Variants in ASRGL1 observed in about 807,000 individuals in gnomAD.
The protein encoded by ASRGL1 is asparaginase and isoaspartyl peptidase 1.
Under a neutral mutation model 22.4 loss-of-function variants are expected in ASRGL1, and 16 were observed. The observed-to-expected ratio is 0.71, with a 90% CI of 0.48 to 1.08. The LOEUF is 1.08. Among genes scored for constraint, ASRGL1 ranks in the 50% least tolerant of loss-of-function variants. The pLI, the probability that ASRGL1 is intolerant of heterozygous loss-of-function variation, is 0.00. For missense variants in ASRGL1, 412 were observed against 410.1 expected (o/e 1.00, Z -0.04); for synonymous variants, 165 against 159.3 (o/e 1.04, Z -0.27).
intron 2 of ASRGL1, among the ~76,000 whole-genome samples, chr11:62,356,031 A>C (rs917467161): frequency 3.3e-5 from 5 of 152,224 alleles, no homozygotes; most frequent in African/African-American, 1.2e-4. Flanking sequence ...CCTTCTACAC[A>C]GACACGGCAA....
At chr11:62,357,465 T>A (rs1373266197) in intron 4 of ASRGL1, among the ~76,000 whole-genome samples, 1 of 149,088 alleles carries the variant, frequency 6.7e-6, no homozygotes, top group East Asian at 2.0e-4. Context: ...TTTCGCCGTG[T>A]TGGCCAGGCT....
At chr11:62,354,036 C>T (rs1002220103) in intron 2 of ASRGL1, among the ~76,000 whole-genome samples, 2 of 152,218 alleles carry the variant, frequency 1.3e-5, no homozygotes, top group African/African-American at 4.8e-5. Context: ...GGCATGTAAT[C>T]AGGGCAGCAA....
chr11:62,383,460 G>T (rs988628747), intron 4 of ASRGL1, among the ~76,000 whole-genome samples: 1 of 150,928 alleles, frequency 6.6e-6, no homozygotes, highest in Non-Finnish European at 1.5e-5. Flanking sequence ...AAAATTAGCC[G>T]GGCGTAGTGG....
chr11:62,342,241 C>CT (rs1481763744), intron 2 of ASRGL1, among the ~76,000 whole-genome samples: 5 of 152,208 alleles, frequency 3.3e-5, no homozygotes, highest in African/African-American at 1.2e-4. Flanking sequence ...TAGGTAAAAA[C>CT]ACCTTTAAAT....
rs895897836 is a variant in ASRGL1, at chr11:62,356,888, G to A, written c.334-99G>A. On this transcript the variant is annotated intron_variant, in intron 3 of 6. Transcript: ENST00000415229. ...CTGGAATTTGTATTTTTGATCCTTT[G>A]CACCCAGAGAGAAGTAATTATTTCA... 4 of 1,357,978 alleles carry A rather than the reference G, an allele frequency of 2.9e-6. No individual in the cohort carries two copies. The Admixed American group carries it at 8.1e-5, about 27-fold the overall frequency. The allele number at this position is 1,357,978 out of a possible 1,614,324, so 84.1% of individuals were successfully genotyped here. A position where few individuals can be genotyped will look rare whatever the true frequency, so the allele number is the denominator to read the frequency against.
At chr11:62,372,210 G>C in intron 4 of ASRGL1, 1 of 1,214,622 alleles carries the variant, frequency 8.2e-7, no homozygotes, top group South Asian at 1.2e-5. Flanking sequence ...GAGGGTCTCA[G>C]CCACGAAGTG....
chr11:62,356,893 C>A, intron 3 of ASRGL1, 94 bp from the exon 4 acceptor site: 2 of 1,388,234 alleles, frequency 1.4e-6, no homozygotes, highest in East Asian at 2.4e-5. Context: ...CCTTTGCACC[C>A]AGAGAGAAGT....
chr11:62,363,020 GC>G (rs1217750435), intron 4 of ASRGL1, among the ~76,000 whole-genome samples: 2 of 130,258 alleles, frequency 1.5e-5, no homozygotes, highest in East Asian at 4.8e-4. Flanking sequence ...CAGGGTTCAC[GC>G]CATTCTCCTG....
intron 3 of ASRGL1, 124 bp from the exon 4 acceptor site, chr11:62,356,863 C>G (rs1946309574): frequency 1.6e-6 from 2 of 1,238,368 alleles, no homozygotes; most frequent in Admixed American, 3.1e-5. Flanking sequence ...AAGCAAACCA[C>G]TGGAATTTGT....
chr11:62,371,343 G>T (rs1047314031), intron 4 of ASRGL1: 7 of 1,086,990 alleles, frequency 6.4e-6, no homozygotes, highest in Non-Finnish European at 8.8e-6. Context: ...GCAAGCGCGC[G>T]GCGCAGCCTG....
At chr11:62,395,581 G>C (rs1947422540), downstream of ASRGL1, among the ~76,000 whole-genome samples, 1 of 151,962 alleles carries the variant, frequency 6.6e-6, no homozygotes, top group Non-Finnish European at 1.5e-5. Context: ...GAGACCAAAG[G>C]AAGGAGTGGG....
intron 4 of ASRGL1, among the ~76,000 whole-genome samples, chr11:62,379,978 CT>C (rs1565171724): frequency 6.6e-6 from 1 of 151,976 alleles, no homozygotes; most frequent in Non-Finnish European, 1.5e-5. Flanking sequence ...GGCTCTTTAT[CT>C]GTTGTTGTTG....
chr11:62,373,272 A>G (rs557249638), intron 4 of ASRGL1: 1 of 704,016 alleles, frequency 1.4e-6, no homozygotes, highest in Admixed American at 2.3e-5. Context: ...TAAAAAAGCA[A>G]AAGTGGACCG....
At position 62,392,144 on chromosome 11, in the gene ASRGL1, G is replaced by C. The variant is rs1439433832; in HGVS notation, c.787G>C (p.Gly263Arg). ...GYMKSRVKGL[G>R]GLIVVSKTGD... is the part of the protein sequence containing the mutation. ...TATGAAGTCAAGGGTTAAAGGTTTA[G>C]GTGGCCTCATCGTGGTTAGCAAAAC... Residue 263 changes from glycine (G) to arginine (R), a missense_variant, in exon 7 of 7, where the codon GGT (glycine) becomes CGT (arginine). Physicochemically the swap from Gly to Arg is moderately radical, Grantham distance 125 (BLOSUM62 -2). Coordinates refer to ENST00000415229, the MANE Select transcript of ASRGL1 (RefSeq NM_001083926.2). 9 of 1,614,128 alleles carry C rather than the reference G, an allele frequency of 5.6e-6. No homozygotes were observed. The highest frequency in any genetic ancestry group is 8.5e-7 in the Non-Finnish European group (1 of 1,180,060).
chr11:62,369,835 G>A (rs1946716194), intron 4 of ASRGL1, among the ~76,000 whole-genome samples: 1 of 152,236 alleles, frequency 6.6e-6, no homozygotes, highest in African/African-American at 2.4e-5. Context: ...ACAAAAGTCC[G>A]ACGTATTCCA....
At chr11:62,394,320 ATATAATT>A (rs1418891048), downstream of ASRGL1, among the ~76,000 whole-genome samples, 342 of 139,832 alleles carry the variant, frequency 2.4e-3, 2 homozygotes, top group South Asian at 0.022. Context: ...AATATATGAT[ATATAATT>A]TATAATTTAT....
Position 62,354,337 on chromosome 11 carries a change from C to T in ASRGL1, c.191-1988C>T, listed in dbSNP as rs139965257. Reference sequence around the variant, plus strand: ...TCCGTTATCTATGGGGGATGTGTTTCAAACCCCCAGTGAGTGCCTGAAACC... The same window carrying T: ...TCCGTTATCTATGGGGGATGTGTTTTAAACCCCCAGTGAGTGCCTGAAACC... On this transcript the variant is annotated intron_variant, in intron 2 of 6. Coordinates refer to ENST00000415229, the MANE Select transcript of ASRGL1 (RefSeq NM_001083926.2). Among the ~76,000 whole-genome samples, 437 of 152,298 alleles carry T rather than the reference C, an allele frequency of 2.9e-3. 3 individuals are homozygous for T. The highest frequency in any genetic ancestry group is 0.01 in the African/African-American group (417 of 41,574).
At chr11:62,359,466 A>C (rs1156860878) in intron 4 of ASRGL1, among the ~76,000 whole-genome samples, 1 of 152,222 alleles carries the variant, frequency 6.6e-6, no homozygotes, top group Non-Finnish European at 1.5e-5. Flanking sequence ...AAGTGAAATT[A>C]ATAATATATT....
At position 62,337,989 on chromosome 11, in the gene ASRGL1, C is replaced by T. The variant is rs771560213; in HGVS notation, c.12C>T (p.Ile4=). Residue 4 remains isoleucine, a synonymous_variant, in exon 2 of 7, where the codon ATC becomes ATT. Transcript: ENST00000415229. MNP[I]VVVHGGGAGP... is the part of the protein sequence containing the mutation. ...TAGGATCCGCCGACATGAATCCCAT[C>T]GTAGTGGTCCACGGCGGCGGAGCCG... The T allele has an allele frequency of 2.5e-6, 4 of 1,599,756 alleles. No homozygotes were observed. The highest frequency in any genetic ancestry group is 1.7e-5 in the Admixed American group (1 of 57,756).
Sources: gnomAD v4.1 joint callset for allele counts (sites outside exome capture counted in the v4.1 genomes callset) on GRCh38, gnomAD v4.1.1 for gene constraint, MANE v1.5 for transcripts, NCBI Gene and HGNC (gene_info 2026-07-23, HGNC 2026-07-21) for gene names.